Variants in LRRC9 observed in about 807,000 individuals in gnomAD.
LRRC9 encodes the protein leucine-rich repeat-containing protein 9.
A neutral mutation model predicts 63.2 loss-of-function variants in LRRC9; 122 were observed. The ratio of observed to expected loss-of-function variants is 1.93; its 90% CI spans 1.67 to 2.24. The LOEUF is 2.24. Ranked by LOEUF, LRRC9 falls within the 30% of genes most tolerant of loss-of-function variation. The probability of loss-of-function intolerance (pLI) is 0.00; values close to 1 mark genes in which losing one functional copy is unlikely to be tolerated. For missense variants in LRRC9, 1,071 were observed against 627.7 expected (o/e 1.71, Z -7.55); for synonymous variants, 366 against 213.1 (o/e 1.72, Z -6.25).
At chr14:60,018,897 T>A (rs770117354) in intron 25 of LRRC9, among the ~76,000 whole-genome samples, 8 of 151,916 alleles carry the variant, frequency 5.3e-5, no homozygotes, top group Non-Finnish European at 1.0e-4. Flanking sequence ...GAGAACAGAT[T>A]GAGAAAGTTG....
chr14:60,020,280 C>T (rs1029482425), intron 26 of LRRC9, among the ~76,000 whole-genome samples: 2 of 151,738 alleles, frequency 1.3e-5, no homozygotes, highest in Non-Finnish European at 2.9e-5. Flanking sequence ...TTCCAAGTGT[C>T]AGTAATTTAT....
At chr14:60,000,765 G>T (rs1175698474) in intron 19 of LRRC9, among the ~76,000 whole-genome samples, 1 of 152,046 alleles carries the variant, frequency 6.6e-6, no homozygotes, top group Non-Finnish European at 1.5e-5. Flanking sequence ...AATTGGACAT[G>T]TCTACATTAA....
At chr14:59,988,292 G>T (rs1173453954) in intron 17 of LRRC9, among the ~76,000 whole-genome samples, 1 of 152,098 alleles carries the variant, frequency 6.6e-6, no homozygotes, top group Non-Finnish European at 1.5e-5. Flanking sequence ...TAGAAATTAT[G>T]ACTGACTGGA....
chr14:59,969,610 CA>C, intron 12 of LRRC9, among the ~76,000 whole-genome samples: 1 of 152,106 alleles, frequency 6.6e-6, no homozygotes. Flanking sequence ...GAGGGCTGGC[CA>C]TAGTGGGGAA....
intron 18 of LRRC9, among the ~76,000 whole-genome samples, chr14:59,998,770 G>T (rs1889061400): frequency 6.6e-6 from 1 of 152,010 alleles, no homozygotes; most frequent in Non-Finnish European, 1.5e-5. Context: ...GATCCATATT[G>T]AATCACACAT....
intron 29 of LRRC9, among the ~76,000 whole-genome samples, chr14:60,046,594 C>T (rs1259734932): frequency 2.0e-5 from 3 of 151,980 alleles, no homozygotes; most frequent in African/African-American, 7.3e-5. Context: ...GGTGTGCGGT[C>T]TTATTTCTGA....
intron 17 of LRRC9, among the ~76,000 whole-genome samples, chr14:59,995,664 T>C (rs1394236777): frequency 2.0e-5 from 3 of 151,988 alleles, no homozygotes; most frequent in Non-Finnish European, 4.4e-5. Context: ...ATCTGTTTTA[T>C]ATCCTGAAGA....
Position 59,964,766 on chromosome 14 carries a change from C to CTA in LRRC9, c.1212-1822_1212-1821dup, listed in dbSNP as rs1444758104. Among the ~76,000 whole-genome samples the CTA allele has an allele frequency of 6.6e-6, 1 of 152,130 alleles. No individual in the cohort carries two copies. Among genetic ancestry groups the CTA allele is most frequent in the Non-Finnish European group, 1.5e-5 (1 of 68,038 alleles). On this transcript the variant is annotated intron_variant, in intron 10 of 31. Coordinates refer to ENST00000445360, the Ensembl canonical transcript of LRRC9. This position sits in a 1 kb window ranked among gnomAD's most constrained non-coding sequence, Gnocchi z 4.4. ...CTAATGTGGCTGTTTTGTAGGTACTCTAAACTGGTTAGCAGGCATCATGCT... is the reference window on the plus strand; with the variant it reads ...CTAATGTGGCTGTTTTGTAGGTACTCTATAAACTGGTTAGCAGGCATCATGCT...
At chr14:59,998,660 A>C (rs1430740369) in intron 18 of LRRC9, among the ~76,000 whole-genome samples, 1 of 152,056 alleles carries the variant, frequency 6.6e-6, no homozygotes, top group Non-Finnish European at 1.5e-5. Context: ...TTTTTTGCTC[A>C]GTAAAAGTGA....
At chr14:60,062,280 A>G (rs1342571459) in intron 31 of LRRC9, 101 bp downstream of exon 32, 2 of 394,942 alleles carry the variant, frequency 5.1e-6, no homozygotes, top group Non-Finnish European at 8.9e-6. Flanking sequence ...GTTATGTACT[A>G]TTATATATTT....
chr14:59,938,515 C>A lies in LRRC9; in HGVS notation c.669C>A (p.Cys223Ter). The A allele has an allele frequency of 1.4e-6, 1 of 696,152 alleles. No individual in the cohort carries two copies. Among genetic ancestry groups the A allele is most frequent in the Non-Finnish European group, 2.6e-6 (1 of 381,900 alleles). The allele number at this position is 696,152 out of a possible 1,614,324, so 43.1% of individuals were successfully genotyped here. A position where few individuals can be genotyped will look rare whatever the true frequency, so the allele number is the denominator to read the frequency against. The stretch of plus-strand genomic sequence containing the variant: ...CACATGTATTATATCATTTGCCTTG[C>A]CTTCAAAGATTTGACACATTGGATG... Residue 223 changes from cysteine (C) to a stop codon, truncating the protein, a stop_gained, in exon 7 of 32, where the codon TGC becomes TGA. Transcript: ENST00000445360. LOFTEE classifies it high-confidence loss of function. The surrounding 1 kb of genome is among the most constrained non-coding windows in gnomAD (Gnocchi z 4.2).
intron 27 of LRRC9, among the ~76,000 whole-genome samples, chr14:60,026,394 G>A (rs1374959778): frequency 6.6e-6 from 1 of 151,932 alleles, no homozygotes; most frequent in Non-Finnish European, 1.5e-5. Context: ...TTGACCATTT[G>A]TATTTCTTCT....
Position 59,930,055 on chromosome 14 carries a change from C to T in LRRC9, c.268-863C>T, listed in dbSNP as rs1426650815. ...CCTAAATAACAAACCTGCACATGCA[C>T]CCCTGAACTTAAAATATAAGTTCAA... On this transcript the variant is annotated intron_variant, in intron 3 of 31. Transcript: ENST00000445360. This position sits in a 1 kb window ranked among gnomAD's most constrained non-coding sequence, Gnocchi z 4.9. Among the ~76,000 whole-genome samples the T allele has an allele frequency of 6.6e-6, 1 of 151,956 alleles. No homozygotes were observed. The highest frequency in any genetic ancestry group is 1.5e-5 in the Non-Finnish European group (1 of 67,960).
chr14:59,961,069 T>C (rs1014051767), intron 10 of LRRC9, 24 bp downstream of exon 10: 1 of 608,352 alleles, frequency 1.6e-6, no homozygotes, highest in South Asian at 2.0e-5. Context: ...AAATTTAGTA[T>C]AGCTTTAAAA....
At chr14:59,999,249 T>C in intron 19 of LRRC9, 23 bp downstream of exon 19, 1 of 693,770 alleles carries the variant, frequency 1.4e-6, no homozygotes, top group Non-Finnish European at 2.6e-6. Context: ...TGTTTACTAT[T>C]CATTGTGCTA....
intron 8 of LRRC9, among the ~76,000 whole-genome samples, chr14:59,956,069 G>T (rs183827943): frequency 1.1e-3 from 162 of 152,120 alleles, no homozygotes; most frequent in Admixed American, 2.0e-3. Flanking sequence ...TTATGTGGTC[G>T]ATTTTAGAAT....
At chr14:59,968,716 C>T (rs181004314) in intron 12 of LRRC9, among the ~76,000 whole-genome samples, 394 of 152,192 alleles carry the variant, frequency 2.6e-3, no homozygotes, top group Non-Finnish European at 3.8e-3. Flanking sequence ...GAACCATTAT[C>T]GGGAGAGGGT....
chr14:60,063,950 T>C (rs1162386462), downstream of LRRC9, among the ~76,000 whole-genome samples: 1 of 152,128 alleles, frequency 6.6e-6, no homozygotes, highest in East Asian at 1.9e-4. Flanking sequence ...CAAAATTGTT[T>C]AGAGATGCAA....
At chr14:59,965,185 T>C (rs1884707366) in intron 10 of LRRC9, among the ~76,000 whole-genome samples, 1 of 152,190 alleles carries the variant, frequency 6.6e-6, no homozygotes, top group Non-Finnish European at 1.5e-5. Flanking sequence ...CGGAATTTTA[T>C]GCGTATGGCC....
Sources: allele counts gnomAD v4.1 joint callset (sites outside exome capture counted in the v4.1 genomes callset), GRCh38; gene constraint gnomAD v4.1.1; non-coding constraint Gnocchi (gnomAD v3.1); transcripts MANE v1.5; gene names NCBI Gene and HGNC (gene_info 2026-07-23, HGNC 2026-07-21).